PANK2: variants seen among roughly 807,000 people sequenced by gnomAD.
The protein encoded by PANK2 is pantothenate kinase 2.
A neutral mutation model predicts 43.1 loss-of-function variants in PANK2; 36 were observed. That is an observed-to-expected ratio of 0.84 (90% CI 0.64 to 1.10). The LOEUF is 1.10. PANK2 is among the 50% of genes least tolerant of loss of function. The pLI, the probability that PANK2 is intolerant of heterozygous loss-of-function variation, is 0.00. For missense variants in PANK2, 576 were observed against 593.3 expected, an observed-to-expected ratio of 0.97 and a Z score of 0.30; for synonymous variants, 281 against 238.2, an observed-to-expected ratio of 1.18 and a Z score of -1.66.
In PANK2 at chr20:3,914,641, C is replaced by T. The variant is rs1447369780; in HGVS notation, c.1082+2007C>T. Among the ~76,000 whole-genome samples the T allele has an allele frequency of 2.0e-5, 3 of 151,418 alleles. No homozygotes were observed. The East Asian group carries it at 5.8e-4, about 29-fold the overall frequency. ...GTGTGGCAGGGTCTCTCTCTGTTGC[C>T]CAGGCTGGAGTGCAGTGACACCATC... is the stretch of plus-strand genomic sequence containing the variant. On this transcript the variant is annotated intron_variant, in intron 4 of 6. Coordinates refer to ENST00000610179, the MANE Select transcript of PANK2 (RefSeq NM_001386393.1).
chr20:3,899,348 T>G (rs1055905468), intron 1 of PANK2, among the ~76,000 whole-genome samples: 2 of 151,636 alleles, frequency 1.3e-5, no homozygotes, highest in Non-Finnish European at 2.9e-5. Flanking sequence ...ATTTTTTGTA[T>G]TTATTGGAGA....
At chr20:3,920,560 A>G (rs2090630805) in intron 6 of PANK2, among the ~76,000 whole-genome samples, 1 of 151,228 alleles carries the variant, frequency 6.6e-6, no homozygotes, top group African/African-American at 2.4e-5. Context: ...CAAAAACACC[A>G]AACAGGCCAG....
At chr20:3,910,449 G>T in intron 2 of PANK2, 128 bp from the exon 3 acceptor site, 1 of 1,064,262 alleles carries the variant, frequency 9.4e-7, no homozygotes, top group South Asian at 1.3e-5. Flanking sequence ...TGTAAAGCAT[G>T]CACAAATAAT....
At chr20:3,892,475 G>A (rs1186885592) in intron 1 of PANK2, among the ~76,000 whole-genome samples, 4 of 152,010 alleles carry the variant, frequency 2.6e-5, no homozygotes, top group Non-Finnish European at 5.9e-5. Flanking sequence ...TTTGGGTATG[G>A]AATGGTGCCA....
intron 2 of PANK2, 44 bp from the exon 3 acceptor site, chr20:3,910,533 G>C (rs1471786376): frequency 6.2e-7 from 1 of 1,612,322 alleles, no homozygotes; most frequent in Non-Finnish European, 8.5e-7. Context: ...TTTTGTTTCT[G>C]TTGGCTTATT....
At chr20:3,900,214 G>T (rs1412227101) in intron 1 of PANK2, among the ~76,000 whole-genome samples, 1 of 151,844 alleles carries the variant, frequency 6.6e-6, no homozygotes, top group East Asian at 1.9e-4. Context: ...TGGTGCCAGC[G>T]ATTCTACCCA....
rs562203998 is a variant in PANK2 at position 3,896,809 on chromosome 20, T to A, written c.298+7081T>A. On this transcript the variant is annotated intron_variant, in intron 1 of 6. Transcript: ENST00000610179. ...CCCTATACTGTGTACTATGCGTCTC[T>A]TCCTCTGAATCTTTTGAAATATCTT... Among the ~76,000 whole-genome samples, 39 of 152,336 alleles carry A rather than the reference T, an allele frequency of 2.6e-4. 1 individual carries two copies. Among genetic ancestry groups the A allele is most frequent in the Non-Finnish European group, 2.8e-4 (19 of 68,028 alleles).
chr20:3,907,534 G>T (rs2090406052), intron 1 of PANK2, among the ~76,000 whole-genome samples: 1 of 152,120 alleles, frequency 6.6e-6, no homozygotes. Context: ...CTAGTTTGCT[G>T]CTAAACCAGA....
In PANK2 at chr20:3,923,560, AT is replaced by A. The variant is rs1238246163; in HGVS notation, c.*271del. On this transcript the variant is annotated 3_prime_UTR_variant, in exon 7 of 7. Coordinates refer to ENST00000610179, the MANE Select transcript of PANK2 (RefSeq NM_001386393.1). ...GCTGTATATAAGTTGCCTGCTTTGTATTTTTGAAATCTCTGCATCACTCATT... is the reference window on the plus strand; with the variant it reads ...GCTGTATATAAGTTGCCTGCTTTGTATTTTGAAATCTCTGCATCACTCATT... 1.9e-6 allele frequency: 1 copy of A among 530,138 alleles called. No individual in the cohort carries two copies. The highest frequency in any genetic ancestry group is 3.4e-6 in the Non-Finnish European group (1 of 295,132). 32.8% of individuals were successfully genotyped at this position (530,138 alleles called of 1,614,324 possible). A position where few individuals can be genotyped will look rare whatever the true frequency, so the allele number is the denominator to read the frequency against.
At chr20:3,913,212 C>T (rs1216991212) in intron 4 of PANK2, among the ~76,000 whole-genome samples, 5 of 152,132 alleles carry the variant, frequency 3.3e-5, no homozygotes. Flanking sequence ...GTAGGTTTGC[C>T]TCTTCTGAAC....
intron 3 of PANK2, among the ~76,000 whole-genome samples, chr20:3,911,850 A>G (rs1168304311): frequency 6.6e-6 from 1 of 152,026 alleles, no homozygotes; most frequent in Non-Finnish European, 1.5e-5. Context: ...AGATCGTGCC[A>G]TTGTACTCTA....
intron 1 of PANK2, 125 bp from the exon 2 acceptor site, chr20:3,907,801 A>G: frequency 3.7e-6 from 3 of 809,080 alleles, no homozygotes; most frequent in South Asian, 3.3e-5. Flanking sequence ...CTTTGCCCCA[A>G]AACCCTTTTG....
rs1600596352 is a variant in PANK2 at position 3,927,903 on chromosome 20, T to C, written c.*4609T>C. Reference sequence around the variant, plus strand: ...GGACTGGATGGTAAGCCAAAGGTGCTGATGCTTGGTCAAAAAGTGGAGTAC... The same window carrying C: ...GGACTGGATGGTAAGCCAAAGGTGCCGATGCTTGGTCAAAAAGTGGAGTAC... On this transcript the variant is annotated 3_prime_UTR_variant, in exon 7 of 7. Transcript: ENST00000610179. 1 of 152,248 alleles carries C rather than the reference T, an allele frequency of 6.6e-6. No homozygotes were observed. The highest frequency in any genetic ancestry group is 1.5e-5 in the Non-Finnish European group (1 of 68,060). The allele number at this position is 152,248 out of a possible 1,614,324, so 9.4% of individuals were successfully genotyped here.
At chr20:3,920,330 A>G (rs1648612653) in intron 6 of PANK2, among the ~76,000 whole-genome samples, 3 of 151,800 alleles carry the variant, frequency 2.0e-5, no homozygotes, top group Non-Finnish European at 2.9e-5. Context: ...ACCATGGTCA[A>G]TGTGGCAAAA....
At chr20:3,914,413 T>C (rs1262191962) in intron 4 of PANK2, among the ~76,000 whole-genome samples, 1 of 151,950 alleles carries the variant, frequency 6.6e-6, no homozygotes, top group Non-Finnish European at 1.5e-5. Flanking sequence ...TCTCCTGGGC[T>C]CAGGTGTTTC....
upstream of PANK2, chr20:3,888,964 C>A: frequency 9.8e-6 from 6 of 610,796 alleles, no homozygotes; most frequent in Admixed American, 6.7e-5. Context: ...GCTGCGGGAG[C>A]ACTGCTGGGC....
intron 1 of PANK2, among the ~76,000 whole-genome samples, chr20:3,904,494 G>A (rs900602038): frequency 2.0e-5 from 3 of 150,718 alleles, no homozygotes; most frequent in Non-Finnish European, 4.4e-5. Context: ...TTGAGCCCAG[G>A]AGTTCAAGGT....
intron 5 of PANK2, 77 bp from the exon 6 acceptor site, chr20:3,918,594 G>A: frequency 1.9e-6 from 3 of 1,585,112 alleles, no homozygotes; most frequent in Admixed American, 1.7e-5. Context: ...TATGCACATG[G>A]TGCTGTATTT....
chr20:3,909,551 C>A (rs12480318), intron 2 of PANK2, among the ~76,000 whole-genome samples: 1 of 151,560 alleles, frequency 6.6e-6, no homozygotes, highest in Non-Finnish European at 1.5e-5. Context: ...GACTAACATG[C>A]CTTGGAGTTC....
Sources: allele counts gnomAD v4.1 joint callset (sites outside exome capture counted in the v4.1 genomes callset), GRCh38; gene constraint gnomAD v4.1.1; transcripts MANE v1.5; gene names NCBI Gene and HGNC (gene_info 2026-07-23, HGNC 2026-07-21).